FARP1: variants seen among roughly 807,000 people sequenced by gnomAD.
The protein encoded by FARP1 is FERM, ARHGEF and pleckstrin domain-containing protein 1.
FARP1 carries 52 observed loss-of-function variants against 128.8 expected under a neutral mutation model. That is an observed-to-expected ratio of 0.40 (90% CI 0.32 to 0.51). The LOEUF is 0.51. FARP1 is among the 20% of genes least tolerant of loss of function. FARP1 has a pLI of 0.45. For synonymous variants in FARP1, 580 were observed against 551.8 expected (o/e 1.05, Z -0.72); for missense variants, 1,333 against 1,367.9 (o/e 0.97, Z 0.40).
At chr13:98,333,479 A>G (rs1887603744) in intron 2 of FARP1, 1 of 148,526 alleles carries the variant, frequency 6.7e-6, no homozygotes, top group South Asian at 2.1e-4. Flanking sequence ...ACACACACAC[A>G]AAATCTATCT....
intron 5 of FARP1, among the ~76,000 whole-genome samples, chr13:98,370,821 G>A (rs562857004): frequency 1.3e-5 from 2 of 152,226 alleles, no homozygotes; most frequent in East Asian, 1.9e-4. Context: ...AATCATCCAC[G>A]TCCACTTAGA....
At chr13:98,359,890 G>C (rs925987214) in intron 3 of FARP1, among the ~76,000 whole-genome samples, 5 of 152,160 alleles carry the variant, frequency 3.3e-5, no homozygotes, top group Non-Finnish European at 5.9e-5. Context: ...AGCATTAACA[G>C]GGCATCAGAG....
chr13:98,349,249 T>C (rs1476502675), intron 3 of FARP1, among the ~76,000 whole-genome samples: 6 of 152,344 alleles, frequency 3.9e-5, no homozygotes, highest in African/African-American at 1.2e-4. Flanking sequence ...TTATGAGGGC[T>C]AATCAGATAC....
At chr13:98,398,983 G>C (rs1257961878) in intron 13 of FARP1, 3 of 152,266 alleles carry the variant, frequency 2.0e-5, no homozygotes, top group South Asian at 2.1e-4. Context: ...TTTTATCTAA[G>C]TATTTTAAGA....
intron 2 of FARP1, among the ~76,000 whole-genome samples, chr13:98,318,799 G>A (rs1407599541): frequency 6.6e-6 from 1 of 152,202 alleles, no homozygotes; most frequent in Non-Finnish European, 1.5e-5. Context: ...TAGGCAGTAG[G>A]CAATGGGGCT....
intron 1 of FARP1, 45 bp downstream of exon 1, chr13:98,143,537 G>T: frequency 6.7e-6 from 1 of 150,212 alleles, no homozygotes; most frequent in South Asian, 2.0e-4. Flanking sequence ...GAGGGCGGGG[G>T]CCGGCGGGGT....
chr13:98,201,273 T>G (rs4772048), intron 1 of FARP1, among the ~76,000 whole-genome samples: 60,184 of 152,028 alleles, frequency 0.4, 13,024 homozygotes, highest in Non-Finnish European at 0.48. Flanking sequence ...CCAGACTCTT[T>G]CACTACAAAA....
intron 2 of FARP1, among the ~76,000 whole-genome samples, chr13:98,318,450 G>A (rs748097035): frequency 7.6e-4 from 115 of 152,138 alleles, no homozygotes; most frequent in Non-Finnish European, 6.9e-4. Flanking sequence ...TACTTTAACC[G>A]TGGCCACACA....
chr13:98,301,812 G>T (rs1885937500), intron 2 of FARP1, among the ~76,000 whole-genome samples: 1 of 152,132 alleles, frequency 6.6e-6, no homozygotes, highest in Non-Finnish European at 1.5e-5. Context: ...GGTGGTGTAT[G>T]GCTCAGACTT....
chr13:98,239,661 G>A lies in FARP1; in HGVS notation c.171+26248G>A, dbSNP rs190003686. Among the ~76,000 whole-genome samples the A allele has an allele frequency of 1.6e-3, 243 of 152,278 alleles. 1 individual carries two copies. Among genetic ancestry groups the A allele is most frequent in the African/African-American group, 5.3e-3 (222 of 41,562 alleles). On this transcript the variant is annotated intron_variant, in intron 2 of 26. Coordinates refer to ENST00000319562, the MANE Select transcript of FARP1 (RefSeq NM_005766.4). ...ATGGCAGGCACCAAGTGGCCTGGGGGCAGTGGGGAGAGGTGGTCCCTTGGG... is the reference window on the plus strand; with the variant it reads ...ATGGCAGGCACCAAGTGGCCTGGGGACAGTGGGGAGAGGTGGTCCCTTGGG...
At chr13:98,271,143 C>G (rs1243877160) in intron 2 of FARP1, among the ~76,000 whole-genome samples, 1 of 152,176 alleles carries the variant, frequency 6.6e-6, no homozygotes, top group African/African-American at 2.4e-5. Context: ...GAACTGTTTC[C>G]TTCATTCATA....
rs370428927 is a variant in FARP1 at position 98,377,953 on chromosome 13, C to A, written c.496+35C>A. 4 of 1,407,264 alleles carry A rather than the reference C, an allele frequency of 2.8e-6. No homozygotes were observed. In the South Asian group the frequency reaches 3.5e-5, roughly 12 times the overall value. 87.2% of individuals were successfully genotyped at this position (1,407,264 alleles called of 1,614,324 possible). ...ATTGGTTTCCTTTGAAAATCATGTTCAAAATAACACAGTGATCTGATTGAT... is the reference window on the plus strand; with the variant it reads ...ATTGGTTTCCTTTGAAAATCATGTTAAAAATAACACAGTGATCTGATTGAT... On this transcript the variant is annotated intron_variant, in intron 6 of 26. Transcript: ENST00000319562.
chr13:98,331,140 G>A (rs541135254), intron 2 of FARP1, among the ~76,000 whole-genome samples: 1 of 152,184 alleles, frequency 6.6e-6, no homozygotes, highest in Non-Finnish European at 1.5e-5. Context: ...AAGGAAACTG[G>A]TTGTCTGATA....
chr13:98,287,544 A>C (rs1566835955), intron 2 of FARP1, among the ~76,000 whole-genome samples: 1 of 151,830 alleles, frequency 6.6e-6, no homozygotes, highest in Non-Finnish European at 1.5e-5. Flanking sequence ...TGTCTTTACC[A>C]TGATTATTCT....
intron 2 of FARP1, chr13:98,329,439 A>G (rs1887390974): frequency 6.6e-6 from 1 of 152,236 alleles, no homozygotes; most frequent in Non-Finnish European, 1.5e-5. Flanking sequence ...AGGCGGATGG[A>G]TCACTTGAGG....
intron 2 of FARP1, among the ~76,000 whole-genome samples, chr13:98,306,825 C>G (rs1169691275): frequency 6.6e-6 from 1 of 152,180 alleles, no homozygotes; most frequent in African/African-American, 2.4e-5. Context: ...TGCCCGGCCT[C>G]TAGCTCCAAA....
rs757384829 is a variant in FARP1 at position 98,390,088 on chromosome 13, C to T, written c.987C>T (p.Val329=). The change falls in exon 10 of 27, where the codon GTC becomes GTT. Residue 329 remains valine, a synonymous_variant. Transcript: ENST00000319562. The part of the protein sequence containing the change: ...FEEPKPKPKP[V]LFSRGSSFRF... ...AGCCCAAACCAAAGCCCAAGCCCGT[C>T]CTCTTTAGCCGGGGGTCATCATTTC... The T allele has an allele frequency of 5.6e-6, 9 of 1,614,166 alleles. No individual in the cohort carries two copies. The East Asian group carries it at 1.8e-4, about 32-fold the overall frequency.
At chr13:98,346,492 C>T (rs531580960) in intron 3 of FARP1, among the ~76,000 whole-genome samples, 88 of 151,682 alleles carry the variant, frequency 5.8e-4, no homozygotes, top group African/African-American at 2.1e-3. Context: ...TGCCTGTAAT[C>T]CCAGCACTTT....
intron 3 of FARP1, among the ~76,000 whole-genome samples, chr13:98,361,636 T>G (rs1047702539): frequency 2.0e-4 from 30 of 152,202 alleles, no homozygotes; most frequent in African/African-American, 7.0e-4. Flanking sequence ...CACTCTCCTG[T>G]ATCCTCCAGC....
Sources: gnomAD v4.1 joint callset for allele counts (sites outside exome capture counted in the v4.1 genomes callset) on GRCh38, gnomAD v4.1.1 for gene constraint, MANE v1.5 for transcripts, NCBI Gene and HGNC (gene_info 2026-07-23, HGNC 2026-07-21) for gene names.